Variants in SPIN1 observed in about 807,000 individuals in gnomAD.
The protein encoded by SPIN1 is spindlin 1.
Under a neutral mutation model 26.0 loss-of-function variants are expected in SPIN1, and 3 were observed. That is an observed-to-expected ratio of 0.12 (90% confidence interval 0.05 to 0.30). The LOEUF is 0.30. Ranked by LOEUF, SPIN1 falls within the 10% of genes least tolerant of loss-of-function variation. The pLI is 1.00. For synonymous variants in SPIN1, 101 were observed against 116.5 expected (o/e 0.87, Z 0.86); for missense variants, 126 against 333.4 (o/e 0.38, Z 4.84).
At chr9:88,396,376 C>T (rs897455129) in intron 1 of SPIN1, among the ~76,000 whole-genome samples, 3 of 151,994 alleles carry the variant, frequency 2.0e-5, no homozygotes, top group Non-Finnish European at 4.4e-5. Context: ...CTGAGGTGGG[C>T]GGATTACCTG....
chr9:88,448,551 G>C (rs1481020709), intron 2 of SPIN1, among the ~76,000 whole-genome samples: 5 of 151,474 alleles, frequency 3.3e-5, no homozygotes. Flanking sequence ...GTCTTGCTAT[G>C]TTACCCAGGC....
chr9:88,414,314 T>G (rs1827517424), intron 1 of SPIN1, among the ~76,000 whole-genome samples: 1 of 152,182 alleles, frequency 6.6e-6, no homozygotes. Context: ...AATGCCATGG[T>G]TGGTCTTTCT....
At chr9:88,423,256 T>C (rs1053752074) in intron 1 of SPIN1, among the ~76,000 whole-genome samples, 1 of 152,218 alleles carries the variant, frequency 6.6e-6, no homozygotes, top group Non-Finnish European at 1.5e-5. Context: ...TGAATGAATT[T>C]GTTAGGATAA....
chr9:88,410,162 AGTGTGT>A (rs138037814), intron 1 of SPIN1, among the ~76,000 whole-genome samples: 100 of 133,046 alleles, frequency 7.5e-4, no homozygotes, highest in South Asian at 2.4e-3. Context: ...GCATATATTT[AGTGTGT>A]GTGTGTGTGT....
intron 1 of SPIN1, among the ~76,000 whole-genome samples, chr9:88,405,611 T>G (rs1192119741): frequency 7.2e-6 from 1 of 139,092 alleles, no homozygotes; most frequent in Non-Finnish European, 1.5e-5. Context: ...TGGCGCGACC[T>G]CATCTCACTG....
At chr9:88,461,950 G>A (rs556510020) in intron 3 of SPIN1, among the ~76,000 whole-genome samples, 1 of 152,262 alleles carries the variant, frequency 6.6e-6, no homozygotes, top group African/African-American at 2.4e-5. Context: ...AAGCTAGTCT[G>A]GACTTCAGTT....
rs534274274 is a variant in SPIN1 at position 88,399,278 on chromosome 9, C to T, written c.-159+10740C>T. 1.6e-4 allele frequency among the ~76,000 whole-genome samples: 25 copies of T among 151,536 alleles called. No homozygotes were observed. In the South Asian group the frequency reaches 4.4e-3, roughly 27 times the overall value. ...TGAACTCCTGACCTCGTGATCCACC[C>T]GCCTCGGCCTCCCAAAGTGCTGGGA... is the stretch of plus-strand genomic sequence containing the variant. On this transcript the variant is annotated intron_variant, in intron 1 of 5. Transcript: ENST00000375859.
chr9:88,456,947 C>A (rs1028466750), intron 3 of SPIN1, among the ~76,000 whole-genome samples: 2 of 152,034 alleles, frequency 1.3e-5, no homozygotes, highest in African/African-American at 4.8e-5. Flanking sequence ...AAGACAAAGA[C>A]ATTAAAAATA....
chr9:88,457,696 C>A, intron 3 of SPIN1: 1 of 301,874 alleles, frequency 3.3e-6, no homozygotes, highest in Non-Finnish European at 4.9e-6. Context: ...TTTGTATACA[C>A]AGGCAATTCA....
chr9:88,454,375 A>G (rs1828426758), intron 3 of SPIN1, among the ~76,000 whole-genome samples: 1 of 152,268 alleles, frequency 6.6e-6, no homozygotes. Context: ...TGAATGATCC[A>G]GATATGACCA....
intron 2 of SPIN1, among the ~76,000 whole-genome samples, chr9:88,441,322 G>C (rs995946945): frequency 2.6e-5 from 4 of 151,342 alleles, no homozygotes; most frequent in Non-Finnish European, 5.9e-5. Context: ...CCTGGAACCA[G>C]TCCCCCGTAG....
At chr9:88,464,187 A>G (rs1828618367) in intron 4 of SPIN1, among the ~76,000 whole-genome samples, 1 of 152,206 alleles carries the variant, frequency 6.6e-6, no homozygotes, top group African/African-American at 2.4e-5. Context: ...TAAATCAGCA[A>G]TATATATGCC....
intron 5 of SPIN1, among the ~76,000 whole-genome samples, chr9:88,471,570 G>T (rs1009198864): frequency 1.4e-5 from 2 of 138,346 alleles, no homozygotes; most frequent in African/African-American, 5.4e-5. Flanking sequence ...CAGGAGAATC[G>T]CTTGAACCTG....
In SPIN1 at chr9:88,466,602, A is replaced by G. The variant is rs183114232; in HGVS notation, c.356-1770A>G. On this transcript the variant is annotated intron_variant, in intron 4 of 5. Transcript: ENST00000375859. ...TTACTGCGTACTTAAAACCAGCCATACATGTTTAGGGTTTGCTGATAAAAT... is the reference window on the plus strand; with the variant it reads ...TTACTGCGTACTTAAAACCAGCCATGCATGTTTAGGGTTTGCTGATAAAAT... Among the ~76,000 whole-genome samples the G allele has an allele frequency of 6.0e-4, 91 of 152,332 alleles. 1 individual carries two copies. The Middle Eastern group carries it at 0.014, about 23-fold the overall frequency.
At chr9:88,389,638 G>A (rs1245265672) in intron 1 of SPIN1, among the ~76,000 whole-genome samples, 1 of 152,098 alleles carries the variant, frequency 6.6e-6, no homozygotes, top group Non-Finnish European at 1.5e-5. Context: ...ACATTTAAAT[G>A]TCTTAAAGGA....
intron 1 of SPIN1, among the ~76,000 whole-genome samples, chr9:88,407,830 G>A (rs990192195): frequency 1.3e-5 from 2 of 149,076 alleles, no homozygotes; most frequent in Non-Finnish European, 3.0e-5. Flanking sequence ...GTATGATCTC[G>A]ACTCACTGCA....
At chr9:88,433,402 G>C (rs540644751) in intron 2 of SPIN1, among the ~76,000 whole-genome samples, 2 of 152,074 alleles carry the variant, frequency 1.3e-5, no homozygotes, top group Admixed American at 1.3e-4. Flanking sequence ...TTTTTAAATA[G>C]CCTTTCTAGT....
chr9:88,396,439 T>C lies in SPIN1; in HGVS notation c.-159+7901T>C, dbSNP rs182427358. 2.8e-3 allele frequency among the ~76,000 whole-genome samples: 427 copies of C among 151,584 alleles called. 11 individuals are homozygous for C. The highest frequency in any genetic ancestry group is 0.024 in the Admixed American group (368 of 15,158). ...CAACATGGTGAAACCCCGTCTCTAC[T>C]AAAAATACAAAAATTAGCCAGGTGT... On this transcript the variant is annotated intron_variant, in intron 1 of 5. Coordinates refer to ENST00000375859, the MANE Select transcript of SPIN1 (RefSeq NM_006717.3).
At chr9:88,388,690 C>T (rs1169631661) in intron 1 of SPIN1, among the ~76,000 whole-genome samples, 152 bp downstream of exon 1, 2 of 148,172 alleles carry the variant, frequency 1.3e-5, no homozygotes, top group East Asian at 3.9e-4. Context: ...CATAGCGCCC[C>T]CTGCCGGCTG....
Sources: gnomAD v4.1 joint callset for allele counts (sites outside exome capture counted in the v4.1 genomes callset) on GRCh38, gnomAD v4.1.1 for gene constraint, MANE v1.5 for transcripts, NCBI Gene and HGNC (gene_info 2026-07-23, HGNC 2026-07-21) for gene names.